Variants in SAFB observed in about 807,000 individuals in gnomAD.
SAFB encodes scaffold attachment factor B1.
Under a neutral mutation model 101.6 loss-of-function variants are expected in SAFB, and 15 were observed. The ratio of observed to expected loss-of-function variants is 0.15; its 90% CI spans 0.10 to 0.23. The LOEUF (loss-of-function observed/expected upper bound fraction) is 0.23. Among genes scored for constraint, SAFB ranks in the 10% least tolerant of loss-of-function variants. The pLI is 1.00. For missense variants in SAFB, 930 were observed against 1,104.1 expected, an observed-to-expected ratio of 0.84 and a Z score of 2.23; for synonymous variants, 449 against 407.5, an observed-to-expected ratio of 1.10 and a Z score of -1.23.
At chr19:5,640,948 T>C (rs1430910668) in intron 2 of SAFB, among the ~76,000 whole-genome samples, 1 of 135,480 alleles carries the variant, frequency 7.4e-6, no homozygotes, top group Admixed American at 7.5e-5. Flanking sequence ...TTTTTTTTTT[T>C]AACCGAGTTT....
chr19:5,646,205 A>C (rs1304812361), intron 5 of SAFB, among the ~76,000 whole-genome samples: 1 of 152,066 alleles, frequency 6.6e-6, no homozygotes, highest in African/African-American at 2.4e-5. Flanking sequence ...CTTCTTTTTA[A>C]ATGTCATCTA....
Position 5,667,068 on chromosome 19 carries a change from G to A in SAFB, c.2357G>A (p.Gly786Glu), listed in dbSNP as rs775140559. 1 of 1,610,626 alleles carries A rather than the reference G, an allele frequency of 6.2e-7. No homozygotes were observed. The highest frequency in any genetic ancestry group is 8.5e-7 in the Non-Finnish European group (1 of 1,177,418). ...CAGCATTACCCAGAACGCCATGGAG[G>A]ACCAGAGCGCCACGGCCGGGACTCC... ...EGQHYPERHG[G>E]PERHGRDSRD... Residue 786 changes from glycine (G) to glutamate (E), a missense_variant, in exon 18 of 21, where the codon GGA becomes GAA. By Grantham distance (98) the Gly-to-Glu change is moderately conservative. Around this residue, in one of 7 missense-constraint regions of SAFB, gnomAD observed 318 missense variants for 342.6 expected, o/e 0.93. Coordinates refer to ENST00000588852, the MANE Select transcript of SAFB (RefSeq NM_001201338.2). The surrounding 1 kb of genome is among the most constrained non-coding windows in gnomAD (Gnocchi z 4.0).
Position 5,654,203 on chromosome 19 carries a change from G to A in SAFB, c.1666+3G>A. ...GCGATCTCGAGCCACAAAGTCAGGT[G>A]GGCAGCTCATGAGCCCAGGAGATTC... On this transcript the variant is annotated splice_donor_region_variant and intron_variant, in intron 12 of 20. Coordinates refer to ENST00000588852, the MANE Select transcript of SAFB (RefSeq NM_001201338.2). 1 of 1,614,156 alleles carries A rather than the reference G, an allele frequency of 6.2e-7. No homozygotes were observed. Among genetic ancestry groups the A allele is most frequent in the Non-Finnish European group, 8.5e-7 (1 of 1,180,006 alleles).
intron 13 of SAFB, 61 bp from the exon 14 acceptor site, chr19:5,657,180 C>A: frequency 1.6e-6 from 2 of 1,243,000 alleles, no homozygotes; most frequent in Non-Finnish European, 2.3e-6. Flanking sequence ...GCTTGGATTA[C>A]AGGCATAAGC....
At chr19:5,660,962 T>TC (rs2054186993) in intron 14 of SAFB, among the ~76,000 whole-genome samples, 3 of 144,048 alleles carry the variant, frequency 2.1e-5, no homozygotes, top group South Asian at 4.4e-4. Flanking sequence ...TTTTTTTTTT[T>TC]TCTGTTGCCG....
Position 5,660,557 on chromosome 19 carries a change from A to G in SAFB, c.1863-961A>G, listed in dbSNP as rs182862746. On this transcript the variant is annotated intron_variant, in intron 14 of 20. Transcript: ENST00000588852. ...ACTATATTGTCCAGGCTGTATATCT[A>G]TAACTGTGTAGGTAAAGGATCGAAA... 9.2e-4 allele frequency among the ~76,000 whole-genome samples: 139 copies of G among 151,710 alleles called. 1 individual carries two copies. Among genetic ancestry groups the G allele is most frequent in the Middle Eastern group, 6.8e-3 (2 of 292 alleles).
At chr19:5,625,942 G>C (rs150892270) in intron 1 of SAFB, among the ~76,000 whole-genome samples, 1 of 152,204 alleles carries the variant, frequency 6.6e-6, no homozygotes, top group Non-Finnish European at 1.5e-5. Context: ...CAGGCACGGC[G>C]TGGAGGGAGT....
Position 5,668,189 on chromosome 19 carries a change from C to T in SAFB, c.2652C>T (p.Ala884=), listed in dbSNP as rs377267767. The stretch of plus-strand genomic sequence containing the variant: ...GCGGCAGCTTTGCCCCAGGCGGGGC[C>T]TCCCGGGGCCACCCCATCCCACACG... The part of the protein sequence containing the change: ...SGRGSFAPGG[A]SRGHPIPHGG... Residue 884 remains alanine, a synonymous_variant, in exon 21 of 21, where the codon GCC becomes GCT. Coordinates refer to ENST00000588852, the MANE Select transcript of SAFB (RefSeq NM_001201338.2). The T allele has an allele frequency of 6.2e-7, 1 of 1,606,110 alleles. No individual in the cohort carries two copies.
At position 5,623,119 on chromosome 19, in the gene SAFB, C is replaced by T. The variant is rs1243701678; in HGVS notation, c.-87C>T. ...GCGCTGGGGCGACTGGAGCGGTTCC[C>T]TCGCAGGCGGCGCCATTTTGTGCTA... On this transcript the variant is annotated 5_prime_UTR_variant, in exon 1 of 21. Transcript: ENST00000588852. 8 of 1,373,054 alleles carry T rather than the reference C, an allele frequency of 5.8e-6. No homozygotes were observed. The highest frequency in any genetic ancestry group is 4.4e-5 in the African/African-American group (3 of 68,390). 85.1% of individuals were successfully genotyped at this position (1,373,054 alleles called of 1,614,324 possible).
intron 5 of SAFB, among the ~76,000 whole-genome samples, chr19:5,647,144 A>G (rs1360387369): frequency 1.3e-5 from 2 of 152,220 alleles, no homozygotes; most frequent in Non-Finnish European, 2.9e-5. Flanking sequence ...GGATCACATC[A>G]TGTGGAAAAA....
intron 2 of SAFB, among the ~76,000 whole-genome samples, chr19:5,637,103 G>A (rs1773101960): frequency 6.7e-6 from 1 of 150,372 alleles, no homozygotes; most frequent in South Asian, 2.1e-4. Context: ...CTAGCACTTC[G>A]GGAGGCCGAG....
In SAFB at chr19:5,623,096, G is replaced by A; in HGVS notation, c.-110G>A. Reference sequence around the variant, plus strand: ...GTGCGCCTGCGCAGAAGCGAGGCGCGCTGGGGCGACTGGAGCGGTTCCCTC... The same window carrying A: ...GTGCGCCTGCGCAGAAGCGAGGCGCACTGGGGCGACTGGAGCGGTTCCCTC... On this transcript the variant is annotated 5_prime_UTR_variant, in exon 1 of 21. Coordinates refer to ENST00000588852, the MANE Select transcript of SAFB (RefSeq NM_001201338.2). 3 of 1,157,442 alleles carry A rather than the reference G, an allele frequency of 2.6e-6. No individual in the cohort carries two copies. Among genetic ancestry groups the A allele is most frequent in the Middle Eastern group, 2.9e-4 (1 of 3,474 alleles). 71.7% of individuals were successfully genotyped at this position (1,157,442 alleles called of 1,614,324 possible).
chr19:5,666,551 A>G, intron 17 of SAFB: 1 of 165,498 alleles, frequency 6.0e-6, no homozygotes, highest in South Asian at 1.4e-4. Flanking sequence ...CTTGCCTAGC[A>G]ATTGGTCGGA....
In SAFB at chr19:5,654,153, A is replaced by G. The variant is rs2054002986; in HGVS notation, c.1619A>G (p.Asp540Gly). The G allele has an allele frequency of 4.3e-6, 7 of 1,614,226 alleles. No individual in the cohort carries two copies. The highest frequency in any genetic ancestry group is 5.9e-6 in the Non-Finnish European group (7 of 1,180,036). Residue 540 changes from aspartate to glycine, a missense_variant, in exon 12 of 21, where the codon GAT becomes GGT. Coordinates refer to ENST00000588852, the MANE Select transcript of SAFB (RefSeq NM_001201338.2). The stretch of plus-strand genomic sequence containing the variant: ...AGTGGAGAAAAGAGTAAGGACCAAG[A>G]TGATCAGAAACCTGGCCCCTCAGAG... ...DGSGEKSKDQ[D>G]DQKPGPSERS... is the part of the protein sequence containing the mutation.
chr19:5,640,270 G>T (rs1415570215), intron 2 of SAFB, among the ~76,000 whole-genome samples: 1 of 149,952 alleles, frequency 6.7e-6, no homozygotes, highest in Non-Finnish European at 1.5e-5. Flanking sequence ...ATAAATTCGT[G>T]TTAAAACAGT....
chr19:5,661,512 G>A lies in SAFB; in HGVS notation c.1863-6G>A, dbSNP rs2054202360. The A allele has an allele frequency of 6.2e-7, 1 of 1,612,074 alleles. No homozygotes were observed. The highest frequency in any genetic ancestry group is 8.5e-7 in the Non-Finnish European group (1 of 1,179,424). On this transcript the variant is annotated splice_region_variant and splice_polypyrimidine_tract_variant and intron_variant, in intron 14 of 20. Transcript: ENST00000588852. ...GGTCCCCTTCTGCAGCTCTACTGTT[G>A]TGCAGCAGGGTGCGTGAACGCAGTG...
intron 10 of SAFB, 28 bp from the exon 11 acceptor site, chr19:5,653,309 TG>T (rs2053981187): frequency 6.2e-7 from 1 of 1,613,668 alleles, no homozygotes; most frequent in African/African-American, 1.3e-5. Flanking sequence ...CATTAGGAAA[TG>T]GGGGTAATAC....
At chr19:5,661,874 G>T in intron 15 of SAFB, 66 bp downstream of exon 15, 18 of 1,049,550 alleles carry the variant, frequency 1.7e-5, no homozygotes, top group South Asian at 3.3e-5. Context: ...TCACAGTCCA[G>T]TTAGCTTGAG....
In SAFB at chr19:5,653,350, C is replaced by G; in HGVS notation, c.1456C>G (p.Pro486Ala). Reference protein sequence around the residue: ...MISVEKAKNEPVGKKTSDKRD... With the variant: ...MISVEKAKNEAVGKKTSDKRD... The stretch of plus-strand genomic sequence containing the variant: ...TTCTCTTTTTCAGGCCAAAAATGAA[C>G]CTGTGGGAAAGAAAACCTCTGACAA... Residue 486 changes from proline to alanine, a missense_variant, in exon 11 of 21, where the codon CCT (proline) becomes GCT (alanine). Physicochemically the swap from Pro to Ala is conservative, Grantham distance 27 (BLOSUM62 -1). This residue lies in a region of SAFB where 92 missense variants were observed against 83.8 expected (regional missense o/e 1.10). Transcript: ENST00000588852. 6.2e-7 allele frequency: 1 copy of G among 1,614,026 alleles called. No homozygotes were observed.
Sources: allele counts gnomAD v4.1 joint callset (sites outside exome capture counted in the v4.1 genomes callset), GRCh38; gene constraint gnomAD v4.1.1; regional missense constraint gnomAD v4.1.1; non-coding constraint Gnocchi (gnomAD v3.1); transcripts MANE v1.5; gene names NCBI Gene and HGNC (gene_info 2026-07-23, HGNC 2026-07-21).